EEF2K: variants seen among roughly 807,000 people sequenced by gnomAD.
EEF2K encodes alternative protein EEF2K.
A neutral mutation model predicts 93.8 loss-of-function variants in EEF2K; 70 were observed. The ratio of observed to expected loss-of-function variants is 0.75; its 90% confidence interval spans 0.62 to 0.91. The LOEUF is 0.91. Ranked by LOEUF, EEF2K falls within the 40% of genes least tolerant of loss-of-function variation. The pLI is 0.00. For synonymous variants in EEF2K, 376 were observed against 380.8 expected, an observed-to-expected ratio of 0.99 and a Z score of 0.15; for missense variants, 935 against 972.9, an observed-to-expected ratio of 0.96 and a Z score of 0.52.
intron 2 of EEF2K, among the ~76,000 whole-genome samples, chr16:22,243,139 T>C: frequency 1.3e-5 from 2 of 152,070 alleles, no homozygotes; most frequent in East Asian, 3.8e-4. Flanking sequence ...ATTTATGTTA[T>C]CTATGAATTT....
chr16:22,236,429 C>A (rs2047168420), intron 2 of EEF2K, among the ~76,000 whole-genome samples: 1 of 151,784 alleles, frequency 6.6e-6, no homozygotes, highest in Admixed American at 6.6e-5. Flanking sequence ...CGCATGGCAC[C>A]ATGCCTGGCT....
At chr16:22,245,442 C>A (rs2047278661) in intron 3 of EEF2K, among the ~76,000 whole-genome samples, 1 of 152,048 alleles carries the variant, frequency 6.6e-6, no homozygotes, top group South Asian at 2.1e-4. Flanking sequence ...TTTCCTCCCT[C>A]TGAGCCTAGG....
At chr16:22,247,841 T>C (rs1388672975) in intron 3 of EEF2K, among the ~76,000 whole-genome samples, 6 of 152,054 alleles carry the variant, frequency 3.9e-5, no homozygotes, top group Non-Finnish European at 8.8e-5. Context: ...TTCTCCTGTC[T>C]AGACTCAGAG....
At chr16:22,254,408 C>T (rs2047380134) in intron 6 of EEF2K, among the ~76,000 whole-genome samples, 1 of 152,092 alleles carries the variant, frequency 6.6e-6, no homozygotes, top group Non-Finnish European at 1.5e-5. Flanking sequence ...CAGATCAGGA[C>T]CCCTTCGGCC....
intron 1 of EEF2K, among the ~76,000 whole-genome samples, chr16:22,211,012 T>C (rs2046908713): frequency 6.6e-6 from 1 of 152,202 alleles, no homozygotes. Flanking sequence ...AAGTTATTTG[T>C]GCTCTTTCAT....
At chr16:22,266,239 G>A (rs1277378143) in intron 13 of EEF2K, 151 bp from the exon 14 acceptor site, 6 of 1,080,234 alleles carry the variant, frequency 5.6e-6, no homozygotes, top group Non-Finnish European at 6.4e-6. Context: ...AAAAAAAATT[G>A]GAGCCATGTT....
chr16:22,277,361 C>T (rs1386491706), intron 16 of EEF2K, among the ~76,000 whole-genome samples: 1 of 152,132 alleles, frequency 6.6e-6, no homozygotes, highest in Non-Finnish European at 1.5e-5. Flanking sequence ...CCTCAAACTC[C>T]TGGGCTCAAG....
chr16:22,240,809 G>A lies in EEF2K; in HGVS notation c.247-3821G>A, dbSNP rs138472734. On this transcript the variant is annotated intron_variant, in intron 2 of 17. Transcript: ENST00000263026. ...TTTTGAGATGGAGTCTCACTGTGTC[G>A]CCCAGGCTGGAGTGTAGTTGTGCTC... 7.9e-5 allele frequency among the ~76,000 whole-genome samples: 12 copies of A among 151,908 alleles called. No homozygotes were observed. In the East Asian group the frequency reaches 1.6e-3, roughly 20 times the overall value.
At chr16:22,214,115 G>A (rs919238990) in intron 1 of EEF2K, among the ~76,000 whole-genome samples, 1 of 152,146 alleles carries the variant, frequency 6.6e-6, no homozygotes, top group South Asian at 2.1e-4. Context: ...GGATTATTGG[G>A]ACATAACAGC....
chr16:22,229,170 C>T (rs1487770593), intron 2 of EEF2K, among the ~76,000 whole-genome samples: 1 of 151,912 alleles, frequency 6.6e-6, no homozygotes, highest in Non-Finnish European at 1.5e-5. Flanking sequence ...AAACCTCATA[C>T]TGTGGAAGGT....
chr16:22,256,754 A>C lies in EEF2K; in HGVS notation c.625A>C (p.Ile209Leu). ...NRHKPPKQVD[I>L]MQMCIIELKD... ...CCACTCCCCATCCCACCAGGTGGAC[A>C]TCATGCAGATGTGCATCATCGAGCT... Residue 209 changes from isoleucine to leucine, a missense_variant, in exon 7 of 18, where the codon ATC (isoleucine) becomes CTC (leucine). Coordinates refer to ENST00000263026, the MANE Select transcript of EEF2K (RefSeq NM_013302.5). 2 of 1,613,822 alleles carry C rather than the reference A, an allele frequency of 1.2e-6. No homozygotes were observed. The highest frequency in any genetic ancestry group is 1.1e-5 in the South Asian group (1 of 91,056).
chr16:22,209,842 C>T (rs901290826), intron 1 of EEF2K, among the ~76,000 whole-genome samples: 3 of 152,178 alleles, frequency 2.0e-5, no homozygotes, highest in Admixed American at 6.5e-5. Flanking sequence ...ACCCAGGCTG[C>T]GGTGCAGTGG....
chr16:22,227,193 C>T (rs918629528), intron 2 of EEF2K, among the ~76,000 whole-genome samples: 3 of 152,062 alleles, frequency 2.0e-5, no homozygotes, highest in Non-Finnish European at 2.9e-5. Flanking sequence ...GAGTGAAACT[C>T]CTTCTCAAAA....
intron 2 of EEF2K, among the ~76,000 whole-genome samples, chr16:22,228,664 CAGGTTTCAGACA>C (rs1251195831): frequency 2.0e-5 from 3 of 152,206 alleles, no homozygotes; most frequent in Non-Finnish European, 4.4e-5. Flanking sequence ...AGGCAGGATA[CAGGTTTCAGACA>C]AAGACAGTAA....
chr16:22,280,190 C>A lies in EEF2K; in HGVS notation c.1890-8C>A. 2 of 1,467,014 alleles carry A rather than the reference C, an allele frequency of 1.4e-6. No individual in the cohort carries two copies. The highest frequency in any genetic ancestry group is 1.5e-5 in the South Asian group (1 of 68,496). 90.9% of individuals were successfully genotyped at this position (1,467,014 alleles called of 1,614,324 possible). ...ACCTCCACCTTTCCCTCTGTATCTCCTGGCAAGGTGCCAAGACTGGCTAGA... is the reference window on the plus strand; with the variant it reads ...ACCTCCACCTTTCCCTCTGTATCTCATGGCAAGGTGCCAAGACTGGCTAGA... On this transcript the variant is annotated splice_polypyrimidine_tract_variant and splice_region_variant and intron_variant, in intron 16 of 17. Coordinates refer to ENST00000263026, the MANE Select transcript of EEF2K (RefSeq NM_013302.5).
intron 16 of EEF2K, 62 bp downstream of exon 16, chr16:22,273,812 C>T: frequency 1.9e-6 from 3 of 1,594,206 alleles, no homozygotes; most frequent in Non-Finnish European, 2.6e-6. Context: ...GGCGCTTGTC[C>T]TCGGTATCAG....
At chr16:22,264,959 ATC>A in intron 13 of EEF2K, 79 bp downstream of exon 13, 1 of 1,530,988 alleles carries the variant, frequency 6.5e-7, no homozygotes, top group African/African-American at 1.4e-5. Context: ...CCTGTCTCAT[ATC>A]TCTGCTGCCT....
At chr16:22,276,818 G>A (rs1461710090) in intron 16 of EEF2K, among the ~76,000 whole-genome samples, 2 of 152,106 alleles carry the variant, frequency 1.3e-5, no homozygotes, top group African/African-American at 4.8e-5. Flanking sequence ...TAACACTTTG[G>A]GAGGCTGAGG....
chr16:22,256,314 T>C (rs2047398220), intron 6 of EEF2K, among the ~76,000 whole-genome samples: 1 of 152,024 alleles, frequency 6.6e-6, no homozygotes, highest in East Asian at 1.9e-4. Flanking sequence ...CCACGGTTGG[T>C]CTCCAACTCC....
Sources: allele counts gnomAD v4.1 joint callset (sites outside exome capture counted in the v4.1 genomes callset), GRCh38; gene constraint gnomAD v4.1.1; transcripts MANE v1.5; gene names NCBI Gene and HGNC (gene_info 2026-07-23, HGNC 2026-07-21).